ANXA4: variants seen among roughly 807,000 people sequenced by gnomAD.
The protein encoded by ANXA4 is 35-beta calcimedin.
ANXA4 carries 39 observed loss-of-function variants against 49.8 expected under a neutral mutation model. The ratio of observed to expected loss-of-function variants is 0.78; its 90% confidence interval spans 0.61 to 1.02. ANXA4 has a LOEUF of 1.02. Among genes scored for constraint, ANXA4 ranks in the 50% least tolerant of loss-of-function variants. The pLI, the probability that ANXA4 is intolerant of heterozygous loss-of-function variation, is 0.00. For synonymous variants in ANXA4, 134 were observed against 152.5 expected (o/e 0.88, Z 0.89); for missense variants, 360 against 410.1 (o/e 0.88, Z 1.05).
chr2:69,649,829 C>T (rs548118058), intron 1 of ANXA4, among the ~76,000 whole-genome samples: 120 of 150,296 alleles, frequency 8.0e-4, no homozygotes, highest in African/African-American at 2.7e-3. Flanking sequence ...ACCATGTTGC[C>T]GAGGCTGGTC....
intron 2 of ANXA4, among the ~76,000 whole-genome samples, chr2:69,709,113 G>A (rs1363575201): frequency 1.3e-5 from 2 of 152,132 alleles, no homozygotes; most frequent in Admixed American, 6.6e-5. Context: ...CTTTGTATGA[G>A]AGTAATCCCT....
chr2:69,794,522 A>ATGTTATGTTATGTTATG (rs1672840988), intron 3 of ANXA4, among the ~76,000 whole-genome samples: 1 of 126,338 alleles, frequency 7.9e-6, no homozygotes, highest in Non-Finnish European at 1.6e-5. Flanking sequence ...GTTATGTTAT[A>ATGTTATGTTATGTTATG]TTATGTTATG....
At chr2:69,776,439 A>G (rs1671965299) in intron 1 of ANXA4, among the ~76,000 whole-genome samples, 1 of 152,124 alleles carries the variant, frequency 6.6e-6, no homozygotes, top group Non-Finnish European at 1.5e-5. Context: ...TCTGACACCA[A>G]TTGTATAGGA....
chr2:69,721,451 C>T (rs1353051517), intron 3 of ANXA4, among the ~76,000 whole-genome samples: 8 of 152,124 alleles, frequency 5.3e-5, no homozygotes, highest in South Asian at 2.1e-4. Flanking sequence ...CTGATGCCTG[C>T]GATCCCAGCA....
chr2:69,776,360 A>G (rs1211767554), intron 1 of ANXA4, among the ~76,000 whole-genome samples: 1 of 151,758 alleles, frequency 6.6e-6, no homozygotes, highest in Non-Finnish European at 1.5e-5. Flanking sequence ...CTCATCCCCA[A>G]CCCTTTTGTT....
chr2:69,749,798 G>A (rs936012203), intron 1 of ANXA4, among the ~76,000 whole-genome samples: 21 of 151,522 alleles, frequency 1.4e-4, no homozygotes, highest in Admixed American at 3.3e-4. Context: ...GGTAGTGCAC[G>A]CACATAATCC....
rs575194420 is a variant in ANXA4 at position 69,704,148 on chromosome 2, A to G, written n.767-16626A>G. On this transcript the variant is annotated intron_variant and non_coding_transcript_variant, in intron 2 of 3. Coordinates refer to the ANXA4 transcript ENST00000418066. ...ATCACATTGAATTGATAGATTAAATACAGCAAGAAATAATACCCCTTAATA... is the reference window on the plus strand; with the variant it reads ...ATCACATTGAATTGATAGATTAAATGCAGCAAGAAATAATACCCCTTAATA... 5.9e-5 allele frequency among the ~76,000 whole-genome samples: 9 copies of G among 152,352 alleles called. No individual in the cohort carries two copies. In the South Asian group the frequency reaches 1.9e-3, roughly 32 times the overall value.
intron 7 of ANXA4, 34 bp from the exon 8 acceptor site, chr2:69,812,619 C>T (rs768371846): frequency 5.0e-6 from 8 of 1,590,546 alleles, no homozygotes; most frequent in South Asian, 4.4e-5. Flanking sequence ...TGTATACTCT[C>T]GAATTATTTT....
At chr2:69,766,687 G>A (rs944697510) in intron 1 of ANXA4, among the ~76,000 whole-genome samples, 6 of 152,114 alleles carry the variant, frequency 3.9e-5, no homozygotes, top group African/African-American at 1.4e-4. Context: ...TCAGAAGGGT[G>A]GCATAGATCA....
At chr2:69,664,198 G>T (rs999170278) in intron 2 of ANXA4, among the ~76,000 whole-genome samples, 2 of 152,196 alleles carry the variant, frequency 1.3e-5, no homozygotes, top group African/African-American at 4.8e-5. Context: ...CCATCCAAAT[G>T]TAGTAGTAAA....
At chr2:69,669,815 C>G (rs1013181437) in intron 2 of ANXA4, among the ~76,000 whole-genome samples, 4 of 152,042 alleles carry the variant, frequency 2.6e-5, no homozygotes, top group African/African-American at 9.7e-5. Context: ...GTCTTGTATA[C>G]CAAATAGTTA....
At chr2:69,736,444 G>A (rs1394131448) in intron 3 of ANXA4, among the ~76,000 whole-genome samples, 7 of 152,138 alleles carry the variant, frequency 4.6e-5, no homozygotes, top group African/African-American at 1.7e-4. Flanking sequence ...AAAGCACCTA[G>A]AATACTGACT....
chr2:69,663,483 C>T (rs1676813412), intron 2 of ANXA4, among the ~76,000 whole-genome samples: 1 of 151,852 alleles, frequency 6.6e-6, no homozygotes, highest in South Asian at 2.1e-4. Context: ...GAGAAATCTA[C>T]TATTGAGCTT....
intron 2 of ANXA4, among the ~76,000 whole-genome samples, chr2:69,708,843 C>T (rs1218060113): frequency 1.3e-5 from 2 of 151,950 alleles, no homozygotes; most frequent in Admixed American, 6.6e-5. Flanking sequence ...ATGGTGAAAC[C>T]CTGTCTCTAC....
intron 2 of ANXA4, among the ~76,000 whole-genome samples, chr2:69,683,013 C>T (rs1677652572): frequency 6.6e-6 from 1 of 152,200 alleles, no homozygotes; most frequent in South Asian, 2.1e-4. Flanking sequence ...AATTTTTCTA[C>T]ATGCACAAGG....
chr2:69,674,584 T>TA lies in ANXA4; in HGVS notation n.766+21304dup, dbSNP rs369347587. On this transcript the variant is annotated intron_variant and non_coding_transcript_variant, in intron 2 of 3. Coordinates refer to the ANXA4 transcript ENST00000418066. ...GCAAGCTAGTGAAGGAACATGTACCTAATGTATAGAAATACAATGGTCATT... is the reference window on the plus strand; with the variant it reads ...GCAAGCTAGTGAAGGAACATGTACCTAAATGTATAGAAATACAATGGTCATT... 2.9e-3 allele frequency among the ~76,000 whole-genome samples: 445 copies of TA among 152,344 alleles called. 2 individuals carry two copies. Among genetic ancestry groups the TA allele is most frequent in the Non-Finnish European group, 3.9e-3 (265 of 68,030 alleles).
At chr2:69,741,412 G>T (rs972911743), upstream of ANXA4, among the ~76,000 whole-genome samples, 1 of 152,194 alleles carries the variant, frequency 6.6e-6, no homozygotes, top group African/African-American at 2.4e-5. Context: ...GCGCCAAGCC[G>T]AACCTGGGAG....
At chr2:69,678,064 A>G (rs1035184909) in intron 2 of ANXA4, among the ~76,000 whole-genome samples, 2 of 152,182 alleles carry the variant, frequency 1.3e-5, no homozygotes, top group Non-Finnish European at 2.9e-5. Flanking sequence ...TGAGAAACCA[A>G]AAAAATTTGT....
chr2:69,730,990 T>C (rs1168814866), intron 3 of ANXA4, among the ~76,000 whole-genome samples: 1 of 152,196 alleles, frequency 6.6e-6, no homozygotes, highest in Non-Finnish European at 1.5e-5. Flanking sequence ...TTTAGGTCGA[T>C]GGGTTTGAAG....
Sources: allele counts gnomAD v4.1 joint callset (sites outside exome capture counted in the v4.1 genomes callset), GRCh38; gene constraint gnomAD v4.1.1; transcripts MANE v1.5; gene names NCBI Gene and HGNC (gene_info 2026-07-23, HGNC 2026-07-21).